TRIM33: variants seen among roughly 807,000 people sequenced by gnomAD.
TRIM33 encodes the protein tripartite motif containing 33, also known as E3 ubiquitin-protein ligase TRIM33.
Under a neutral mutation model 125.4 loss-of-function variants are expected in TRIM33, and 20 were observed. The observed-to-expected ratio is 0.16, with a 90% CI of 0.11 to 0.23. TRIM33 has a LOEUF of 0.23. Among genes scored for constraint, TRIM33 ranks in the 10% least tolerant of loss-of-function variants. The pLI, the probability that TRIM33 is intolerant of heterozygous loss-of-function variation, is 1.00. For missense variants in TRIM33, 920 were observed against 1,411.4 expected (o/e 0.65, Z 5.58); for synonymous variants, 564 against 513.9 (o/e 1.10, Z -1.32).
At chr1:114,436,373 G>C (rs1038106207) in intron 4 of TRIM33, among the ~76,000 whole-genome samples, 16 of 125,054 alleles carry the variant, frequency 1.3e-4, no homozygotes, top group African/African-American at 5.1e-4. Flanking sequence ...CTGCACTCCA[G>C]CCTGGTGACA....
Position 114,510,652 on chromosome 1 carries a change from A to G in TRIM33, c.425T>C (p.Leu142Pro). 6.4e-7 allele frequency: 1 copy of G among 1,562,614 alleles called. No individual in the cohort carries two copies. Residue 142 changes from leucine to proline, a missense_variant, in exon 1 of 20, where the codon CTG (leucine) becomes CCG (proline). Transcript: ENST00000358465. ...LQSRREAEPK[L>P]LPCLHSFCLR... ...GCAGAAGGAGTGAAGACAGGGCAGC[A>G]GCTTGGGCTCCGCCTCACGCCGGCT...
At position 114,402,829 on chromosome 1, in the gene TRIM33, A is replaced by G. The variant is rs1651989740; in HGVS notation, c.2823T>C (p.Tyr941=). Residue 941 remains tyrosine, a synonymous_variant, in exon 16 of 20, where the codon TAT becomes TAC. Coordinates refer to ENST00000358465, the MANE Select transcript of TRIM33 (RefSeq NM_015906.4). The part of the protein sequence containing the change: ...CRDIGKPEVE[Y]DCDNLQHSKK... The stretch of plus-strand genomic sequence containing the variant: ...TACTATGTTGCAAATTATCACAATC[A>G]TATTCAACTTCTGGCTTTCCAATAT... The G allele has an allele frequency of 2.5e-6, 4 of 1,614,158 alleles. No individual in the cohort carries two copies. The East Asian group carries it at 8.9e-5, about 36-fold the overall frequency.
intron 6 of TRIM33, among the ~76,000 whole-genome samples, chr1:114,430,549 C>T (rs1015087775): frequency 6.6e-6 from 1 of 152,076 alleles, no homozygotes; most frequent in African/African-American, 2.4e-5. Context: ...GTCTTAGTAA[C>T]AATTATTTGA....
chr1:114,464,256 A>G lies in TRIM33; in HGVS notation c.645+14T>C, dbSNP rs751667931. The G allele has an allele frequency of 1.4e-6, 2 of 1,428,286 alleles. No homozygotes were observed. The highest frequency in any genetic ancestry group is 2.9e-5 in the African/African-American group (2 of 69,208). 88.5% of individuals were successfully genotyped at this position (1,428,286 alleles called of 1,614,324 possible). On this transcript the variant is annotated intron_variant, in intron 2 of 19. Coordinates refer to ENST00000358465, the MANE Select transcript of TRIM33 (RefSeq NM_015906.4). ...TATCAAGATAGGAATATAAAGAAAA[A>G]TTGAGAAGCATACCTGTTCTGATTT...
intron 15 of TRIM33, 89 bp from the exon 16 acceptor site, chr1:114,402,972 T>C (rs2101088440): frequency 1.6e-6 from 2 of 1,281,626 alleles, no homozygotes; most frequent in East Asian, 5.3e-5. Flanking sequence ...CCTGGTTTAT[T>C]TTCTTAATAA....
Position 114,398,918 on chromosome 1 carries a change from A to G in TRIM33, c.3120+539T>C, listed in dbSNP as rs558972362. On this transcript the variant is annotated intron_variant, in intron 18 of 19. Coordinates refer to ENST00000358465, the MANE Select transcript of TRIM33 (RefSeq NM_015906.4). Reference sequence around the variant, plus strand: ...ACCCTCAAAAAAAAAAAAAAAAACAAAACAAAACAAAACAAAAAACAAAAA... The same window carrying G: ...ACCCTCAAAAAAAAAAAAAAAAACAGAACAAAACAAAACAAAAAACAAAAA... Among the ~76,000 whole-genome samples the G allele has an allele frequency of 3.8e-3, 556 of 147,164 alleles. 5 individuals are homozygous for G. The highest frequency in any genetic ancestry group is 0.013 in the African/African-American group (517 of 40,038).
At chr1:114,451,851 T>C (rs938499948) in intron 4 of TRIM33, among the ~76,000 whole-genome samples, 1 of 152,124 alleles carries the variant, frequency 6.6e-6, no homozygotes, top group African/African-American at 2.4e-5. Context: ...AGCAATTATT[T>C]TAATTTAAAC....
At position 114,395,648 on chromosome 1, in the gene TRIM33, G is replaced by A. The variant is rs1023848441; in HGVS notation, c.*2000C>T. 2 of 195,006 alleles carry A rather than the reference G, an allele frequency of 1.0e-5. No individual in the cohort carries two copies. The highest frequency in any genetic ancestry group is 4.6e-5 in the African/African-American group (2 of 43,280). The allele number at this position is 195,006 out of a possible 1,614,324, so 12.1% of individuals were successfully genotyped here. On this transcript the variant is annotated 3_prime_UTR_variant, in exon 20 of 20. Transcript: ENST00000358465. ...AAGAGGGAAATTGGCATAGGCATAA[G>A]TATTTTTAAATAATTTTCTCCCTCT... is the stretch of plus-strand genomic sequence containing the variant.
chr1:114,431,006 C>T (rs181685240), intron 5 of TRIM33, 94 bp from the exon 6 acceptor site: 25 of 756,004 alleles, frequency 3.3e-5, no homozygotes, highest in Admixed American at 2.2e-4. Context: ...GGCACTTAAC[C>T]GAGTAATTAA....
At position 114,421,604 on chromosome 1, in the gene TRIM33, G is replaced by C. The variant is rs146261393; in HGVS notation, c.1893C>G (p.Pro631=). Residue 631 remains proline (P), a synonymous_variant, in exon 11 of 20, where the codon CCC becomes CCG. Transcript: ENST00000358465. ...TTGTGGTGTTGTGTACCGATACTAC[G>C]GGAAAGGGTCCAGCATGCCCTGGGT... ...HSNPGHAGPF[P]VVSVHNTTIN... is the part of the protein sequence containing the mutation. 6.2e-7 allele frequency: 1 copy of C among 1,614,102 alleles called. No individual in the cohort carries two copies. Among genetic ancestry groups the C allele is most frequent in the Non-Finnish European group, 8.5e-7 (1 of 1,179,978 alleles).
rs1478551376 is a variant in TRIM33 at position 114,510,775 on chromosome 1, G to A, written c.302C>T (p.Pro101Leu). 6.6e-6 allele frequency: 10 copies of A among 1,520,134 alleles called. No individual in the cohort carries two copies. The highest frequency in any genetic ancestry group is 6.1e-5 in the Admixed American group (3 of 48,902). The allele number at this position is 1,520,134 out of a possible 1,614,324, so 94.2% of individuals were successfully genotyped here. A position where few individuals can be genotyped will look rare whatever the true frequency, so the allele number is the denominator to read the frequency against. Residue 101 changes from proline to leucine, a missense_variant, in exon 1 of 20, where the codon CCA becomes CTA. This residue lies in a region of TRIM33 where 233 missense variants were observed against 189.6 expected (regional missense o/e 1.23). Coordinates refer to ENST00000358465, the MANE Select transcript of TRIM33 (RefSeq NM_015906.4). ...GGAVSTPAPAPASAPAPGPSA... is the reference protein window; with the variant it reads ...GGAVSTPAPALASAPAPGPSA... ...GGGACCCGGAGCGGGAGCCGAGGCT[G>A]GAGCTGGAGCCGGCGTCGATACTGC... is the stretch of plus-strand genomic sequence containing the variant.
chr1:114,498,521 C>A (rs1202583001), intron 1 of TRIM33, among the ~76,000 whole-genome samples: 1 of 152,030 alleles, frequency 6.6e-6, no homozygotes, highest in African/African-American at 2.4e-5. Flanking sequence ...TGGTGGCATG[C>A]GCCTGTAGTT....
At chr1:114,509,057 G>A (rs1395275096) in intron 1 of TRIM33, among the ~76,000 whole-genome samples, 1 of 152,020 alleles carries the variant, frequency 6.6e-6, no homozygotes, top group Non-Finnish European at 1.5e-5. Context: ...TTCTTTCCTA[G>A]ATAACCGCCA....
intron 1 of TRIM33, among the ~76,000 whole-genome samples, chr1:114,502,317 C>A (rs1652766395): frequency 6.6e-6 from 1 of 152,138 alleles, no homozygotes. Context: ...CAGAGCAGGG[C>A]TCAAACTTCC....
At chr1:114,435,309 G>C (rs947853765) in intron 4 of TRIM33, among the ~76,000 whole-genome samples, 1 of 152,206 alleles carries the variant, frequency 6.6e-6, no homozygotes, top group Admixed American at 6.6e-5. Flanking sequence ...AGTGAGATCA[G>C]CAGATTTGAG....
intron 10 of TRIM33, among the ~76,000 whole-genome samples, chr1:114,422,266 A>G (rs948866956): frequency 2.0e-5 from 3 of 152,216 alleles, no homozygotes; most frequent in Admixed American, 2.0e-4. Flanking sequence ...AAAACTAAAA[A>G]GGCTTAATAA....
chr1:114,397,785 C>G lies in TRIM33; in HGVS notation c.3247G>C (p.Asp1083His). ...TCTGGCAAAGGTGCGAAGGTCCTGTCTGAGTAGATCTCTGTGAGTTTATCT... is the reference window on the plus strand; with the variant it reads ...TCTGGCAAAGGTGCGAAGGTCCTGTGTGAGTAGATCTCTGTGAGTTTATCT... ...FEDKLTEIYS[D>H]RTFAPLPEFE... The change falls in exon 20 of 20, where the codon GAC becomes CAC. Residue 1083 changes from aspartate (D) to histidine (H), a missense_variant. Asp to His is a moderately conservative substitution (Grantham distance 81). This residue lies in a region of TRIM33 where 122 missense variants were observed against 236.8 expected (regional missense o/e 0.52). Coordinates refer to ENST00000358465, the MANE Select transcript of TRIM33 (RefSeq NM_015906.4). 1 of 1,613,906 alleles carries G rather than the reference C, an allele frequency of 6.2e-7. No individual in the cohort carries two copies. Among genetic ancestry groups the G allele is most frequent in the Non-Finnish European group, 8.5e-7 (1 of 1,179,944 alleles).
chr1:114,480,383 T>C (rs148472259), intron 1 of TRIM33, among the ~76,000 whole-genome samples: 6,574 of 151,666 alleles, frequency 0.043, 156 homozygotes, highest in South Asian at 0.063. Context: ...CCAGAGACCT[T>C]TGTTCACTTG....
At chr1:114,401,902 C>T (rs995363206) in intron 16 of TRIM33, among the ~76,000 whole-genome samples, 14 of 152,184 alleles carry the variant, frequency 9.2e-5, no homozygotes, top group Admixed American at 4.6e-4. Context: ...CCTTCTCAGT[C>T]TAACTCCAAA....
Sources: allele counts gnomAD v4.1 joint callset (sites outside exome capture counted in the v4.1 genomes callset), GRCh38; gene constraint gnomAD v4.1.1; regional missense constraint gnomAD v4.1.1; transcripts MANE v1.5; gene names NCBI Gene and HGNC (gene_info 2026-07-23, HGNC 2026-07-21).